FILIP1: variants seen among roughly 807,000 people sequenced by gnomAD.
FILIP1 encodes filamin-A-interacting protein 1.
In FILIP1, 61 loss-of-function variants were observed where a neutral mutation model predicts 102.1. The observed-to-expected ratio is 0.60, with a 90% CI of 0.49 to 0.74. The LOEUF (loss-of-function observed/expected upper bound fraction) is 0.74. Among genes scored for constraint, FILIP1 ranks in the 30% least tolerant of loss-of-function variants. The probability of loss-of-function intolerance (pLI) is 0.00; values close to 1 mark genes in which losing one functional copy is unlikely to be tolerated. For synonymous variants in FILIP1, 491 were observed against 526.9 expected, an observed-to-expected ratio of 0.93 and a Z score of 0.93; for missense variants, 1,314 against 1,441.2, an observed-to-expected ratio of 0.91 and a Z score of 1.43.
chr6:75,368,045 T>C (rs1488691371), intron 2 of FILIP1, among the ~76,000 whole-genome samples: 3 of 152,190 alleles, frequency 2.0e-5, no homozygotes, highest in African/African-American at 7.2e-5. Context: ...ACTTATTTAC[T>C]CCTGATGATA....
chr6:75,412,421 C>T lies in FILIP1; in HGVS notation c.276+2276G>A, dbSNP rs189261804. ...AATACACTTTATTTCTTTCTCTTGC[C>T]TGATTGCCCTGGCCAGAACTTCCAA... On this transcript the variant is annotated intron_variant, in intron 2 of 5. Coordinates refer to ENST00000237172, the MANE Select transcript of FILIP1 (RefSeq NM_015687.5). Among the ~76,000 whole-genome samples, 924 of 152,244 alleles carry T rather than the reference C, an allele frequency of 6.1e-3. 2 individuals are homozygous for T. Among genetic ancestry groups the T allele is most frequent in the Admixed American group, 0.011 (170 of 15,288 alleles).
At chr6:75,412,890 A>T in intron 2 of FILIP1, among the ~76,000 whole-genome samples, 1 of 152,138 alleles carries the variant, frequency 6.6e-6, no homozygotes, top group Non-Finnish European at 1.5e-5. Context: ...CACATAAATG[A>T]TGTCTTGCAC....
At chr6:75,303,299 G>C, downstream of FILIP1, among the ~76,000 whole-genome samples, 1 of 152,222 alleles carries the variant, frequency 6.6e-6, no homozygotes, top group South Asian at 2.1e-4. Flanking sequence ...TAGAAGTTTG[G>C]GAGTCATTGG....
intron 3 of FILIP1, among the ~76,000 whole-genome samples, chr6:75,356,650 G>A (rs1485329137): frequency 1.3e-5 from 2 of 152,068 alleles, no homozygotes; most frequent in African/African-American, 4.8e-5. Flanking sequence ...TGTATTTTTA[G>A]TAGAGACGGG....
chr6:75,412,445 A>G (rs951792653), intron 2 of FILIP1, among the ~76,000 whole-genome samples: 1 of 152,190 alleles, frequency 6.6e-6, no homozygotes, highest in Non-Finnish European at 1.5e-5. Flanking sequence ...CAGAACTTCC[A>G]ATACTATCTT....
At chr6:75,350,969 A>G (rs1582382634) in intron 4 of FILIP1, among the ~76,000 whole-genome samples, 1 of 152,250 alleles carries the variant, frequency 6.6e-6, no homozygotes, top group African/African-American at 2.4e-5. Flanking sequence ...ATTGTTGTAG[A>G]TAGCCTTGTG....
intron 1 of FILIP1, among the ~76,000 whole-genome samples, chr6:75,474,239 A>G (rs1177373175): frequency 1.3e-5 from 2 of 152,126 alleles, no homozygotes; most frequent in Non-Finnish European, 2.9e-5. Flanking sequence ...ATTTACTCTC[A>G]CATTTTATGT....
chr6:75,375,967 T>C lies in FILIP1; in HGVS notation c.277-13050A>G, dbSNP rs146771974. On this transcript the variant is annotated intron_variant, in intron 2 of 5. Transcript: ENST00000237172. ...TTTTACAAAAAAATCAGAGTTAGTA[T>C]GCTAAATATTAGAGTTTTTAATTTT... is the stretch of plus-strand genomic sequence containing the variant. Among the ~76,000 whole-genome samples the C allele has an allele frequency of 1.2e-4, 19 of 152,346 alleles. No homozygotes were observed. In the East Asian group the frequency reaches 3.7e-3, roughly 29 times the overall value.
At chr6:75,394,507 A>T (rs2149661825) in intron 2 of FILIP1, among the ~76,000 whole-genome samples, 1 of 152,298 alleles carries the variant, frequency 6.6e-6, no homozygotes, top group South Asian at 2.1e-4. Context: ...AAATAATGAG[A>T]TAGGAAAAAA....
intron 2 of FILIP1, among the ~76,000 whole-genome samples, chr6:75,371,903 C>T (rs916592866): frequency 6.6e-6 from 1 of 152,148 alleles, no homozygotes; most frequent in African/African-American, 2.4e-5. Context: ...GGATATAGCA[C>T]TTATTTCTTG....
chr6:75,459,594 C>A (rs770142993), intron 1 of FILIP1, among the ~76,000 whole-genome samples: 1 of 152,184 alleles, frequency 6.6e-6, no homozygotes, highest in Non-Finnish European at 1.5e-5. Flanking sequence ...AGGCCTGGTA[C>A]AACTAAGATC....
intron 1 of FILIP1, among the ~76,000 whole-genome samples, chr6:75,416,236 C>T (rs944634700): frequency 6.6e-6 from 1 of 152,054 alleles, no homozygotes; most frequent in African/African-American, 2.4e-5. Flanking sequence ...TGTGATGTTT[C>T]CTTTCAGATA....
intron 2 of FILIP1, among the ~76,000 whole-genome samples, chr6:75,390,347 G>A (rs953032918): frequency 1.3e-5 from 2 of 152,150 alleles, no homozygotes. Flanking sequence ...GTTAATAGCT[G>A]TACTAGTCCA....
At chr6:75,293,447 C>T (rs1420695282) in exon 7 of FILIP1, 4 of 152,088 alleles carry the variant, frequency 2.6e-5, no homozygotes, top group Non-Finnish European at 5.9e-5. Flanking sequence ...TGCATATTCT[C>T]TTATTTCAAA....
At chr6:75,445,686 A>G (rs1374700362) in intron 1 of FILIP1, among the ~76,000 whole-genome samples, 1 of 152,062 alleles carries the variant, frequency 6.6e-6, no homozygotes, top group African/African-American at 2.4e-5. Flanking sequence ...TATCTACTAA[A>G]TATTGAATAA....
chr6:75,437,071 T>C (rs1244978525), intron 1 of FILIP1, among the ~76,000 whole-genome samples: 1 of 152,136 alleles, frequency 6.6e-6, no homozygotes, highest in Non-Finnish European at 1.5e-5. Context: ...CGGAATCAGA[T>C]TGGAAAAACT....
intron 2 of FILIP1, among the ~76,000 whole-genome samples, chr6:75,371,176 A>C (rs909677200): frequency 1.3e-5 from 2 of 152,232 alleles, no homozygotes; most frequent in Non-Finnish European, 2.9e-5. Flanking sequence ...CAAGAAGAAC[A>C]TTCAGACATA....
At chr6:75,384,754 T>C (rs1582425596) in intron 2 of FILIP1, 1 of 151,820 alleles carries the variant, frequency 6.6e-6, no homozygotes, top group African/African-American at 2.4e-5. Context: ...ATTTGATTTA[T>C]AGAATCAGAA....
chr6:75,443,901 T>G (rs941312178), intron 1 of FILIP1, among the ~76,000 whole-genome samples: 5 of 152,240 alleles, frequency 3.3e-5, no homozygotes, highest in Admixed American at 2.6e-4. Context: ...ATTTAACCTC[T>G]CTAAGCCTCA....
Sources: allele counts gnomAD v4.1 joint callset (sites outside exome capture counted in the v4.1 genomes callset), GRCh38; gene constraint gnomAD v4.1.1; transcripts MANE v1.5; gene names NCBI Gene and HGNC (gene_info 2026-07-23, HGNC 2026-07-21).